PRSS3: variants seen among roughly 807,000 people sequenced by gnomAD.
The protein encoded by PRSS3 is trypsin-3.
A neutral mutation model predicts 20.8 loss-of-function variants in PRSS3; 14 were observed. The ratio of observed to expected loss-of-function variants is 0.67; its 90% CI spans 0.44 to 1.05. The LOEUF (loss-of-function observed/expected upper bound fraction) is 1.05, where lower values mean the gene tolerates loss of function less well. PRSS3 is among the 50% of genes least tolerant of loss of function. PRSS3 has a pLI of 0.00. For missense variants in PRSS3, 237 were observed against 306.4 expected, an observed-to-expected ratio of 0.77 and a Z score of 1.69; for synonymous variants, 91 against 117.6, an observed-to-expected ratio of 0.77 and a Z score of 1.46.
intron 1 of PRSS3, among the ~76,000 whole-genome samples, chr9:33,758,477 C>T (rs1161833297): frequency 6.6e-6 from 1 of 152,146 alleles, no homozygotes; most frequent in Non-Finnish European, 1.5e-5. Flanking sequence ...ATCTAAACTC[C>T]CAGGGACCTG....
At chr9:33,776,292 T>G (rs1023014012) in intron 1 of PRSS3, among the ~76,000 whole-genome samples, 2 of 151,874 alleles carry the variant, frequency 1.3e-5, no homozygotes, top group African/African-American at 4.8e-5. Context: ...CAGACACACA[T>G]AGGATGATGT....
At chr9:33,783,551 T>C (rs1448420398) in intron 1 of PRSS3, among the ~76,000 whole-genome samples, 1 of 152,246 alleles carries the variant, frequency 6.6e-6, no homozygotes, top group African/African-American at 2.4e-5. Context: ...GCATGTTCAC[T>C]GTATAAAACT....
At chr9:33,798,233 T>A (rs1301877764) in intron 3 of PRSS3, 151 bp downstream of exon 3, 1 of 1,470,018 alleles carries the variant, frequency 6.8e-7, no homozygotes, top group African/African-American at 1.4e-5. Flanking sequence ...ACCAGAGAGA[T>A]GCAAAGTCTC....
At chr9:33,761,331 C>T (rs1278420360) in intron 1 of PRSS3, among the ~76,000 whole-genome samples, 1 of 152,180 alleles carries the variant, frequency 6.6e-6, no homozygotes, top group Non-Finnish European at 1.5e-5. Flanking sequence ...CTGTACAGCA[C>T]GTTACTGTAC....
chr9:33,780,973 C>T (rs1382211958), intron 1 of PRSS3, among the ~76,000 whole-genome samples: 5 of 152,180 alleles, frequency 3.3e-5, no homozygotes, highest in Admixed American at 2.0e-4. Context: ...TTAGACAGAT[C>T]ATTGAGGCAG....
chr9:33,786,299 G>T, intron 1 of PRSS3: 1 of 570,576 alleles, frequency 1.8e-6, no homozygotes, highest in Middle Eastern at 3.0e-4. Flanking sequence ...GTTAATGCTG[G>T]GTAGAGAGGT....
At chr9:33,797,045 C>T (rs1824993406) in intron 2 of PRSS3, among the ~76,000 whole-genome samples, 1 of 152,160 alleles carries the variant, frequency 6.6e-6, no homozygotes, top group Admixed American at 6.5e-5. Flanking sequence ...CAGGCAAGTA[C>T]CTTTTGCTGG....
chr9:33,777,299 C>A (rs1327387436), intron 1 of PRSS3, among the ~76,000 whole-genome samples: 2 of 151,904 alleles, frequency 1.3e-5, no homozygotes, highest in Non-Finnish European at 2.9e-5. Context: ...CAATGGAATT[C>A]TCTTAGGTAA....
At chr9:33,754,610 A>G (rs1425774579) in intron 1 of PRSS3, among the ~76,000 whole-genome samples, 2 of 151,598 alleles carry the variant, frequency 1.3e-5, no homozygotes, top group Non-Finnish European at 2.9e-5. Context: ...CGGGTGGATC[A>G]CCTGAGGTCA....
At chr9:33,780,660 T>C (rs977867777) in intron 1 of PRSS3, among the ~76,000 whole-genome samples, 2 of 152,038 alleles carry the variant, frequency 1.3e-5, no homozygotes, top group African/African-American at 4.8e-5. Context: ...AAGAGACCCA[T>C]CTCACATGTA....
intron 1 of PRSS3, among the ~76,000 whole-genome samples, chr9:33,782,852 A>G (rs1167020897): frequency 6.6e-6 from 1 of 152,232 alleles, no homozygotes; most frequent in East Asian, 1.9e-4. Context: ...ATGAGCCAGC[A>G]ATTATACTCC....
At chr9:33,775,233 T>G (rs997754825) in intron 1 of PRSS3, among the ~76,000 whole-genome samples, 19 of 152,300 alleles carry the variant, frequency 1.2e-4, no homozygotes, top group Non-Finnish European at 1.9e-4. Context: ...TTGTGGCTTT[T>G]TCTGCCTGTG....
chr9:33,772,499 A>G (rs959382322), intron 1 of PRSS3, among the ~76,000 whole-genome samples: 7 of 152,234 alleles, frequency 4.6e-5, no homozygotes, highest in African/African-American at 1.7e-4. Flanking sequence ...GTACTGTGAC[A>G]GAGCCTGAGT....
chr9:33,795,527 G>A (rs1824866808), upstream of PRSS3: 1 of 1,612,144 alleles, frequency 6.2e-7, no homozygotes, highest in Non-Finnish European at 8.5e-7. Flanking sequence ...TTCTTGGAAG[G>A]GTATAAGGAC....
intron 1 of PRSS3, among the ~76,000 whole-genome samples, chr9:33,771,328 T>A (rs1415593415): frequency 2.6e-5 from 4 of 151,414 alleles, no homozygotes; most frequent in South Asian, 2.1e-4. Context: ...TTTTTTTTTT[T>A]ATGTTTTGAG....
intron 1 of PRSS3, among the ~76,000 whole-genome samples, chr9:33,758,191 T>C (rs1009677930): frequency 2.0e-5 from 3 of 152,210 alleles, no homozygotes; most frequent in African/African-American, 4.8e-5. Flanking sequence ...CTCCCCTACA[T>C]TGATCTACAA....
chr9:33,791,554 A>T (rs1194292548), upstream of PRSS3, among the ~76,000 whole-genome samples: 2 of 152,220 alleles, frequency 1.3e-5, no homozygotes, highest in African/African-American at 4.8e-5. Context: ...CCATATATTA[A>T]ACTCTGAGTA....
At chr9:33,794,656 C>T, upstream of PRSS3, 1 of 1,422,820 alleles carries the variant, frequency 7.0e-7, no homozygotes, top group African/African-American at 1.4e-5. Flanking sequence ...TACCATGGTC[C>T]AAACTCTGAC....
chr9:33,774,803 T>A (rs1182286556), intron 1 of PRSS3, among the ~76,000 whole-genome samples: 1 of 151,656 alleles, frequency 6.6e-6, no homozygotes, highest in Non-Finnish European at 1.5e-5. Flanking sequence ...CTGACCAACA[T>A]GGTGAAACCC....
Sources: gnomAD v4.1 joint callset for allele counts (sites outside exome capture counted in the v4.1 genomes callset) on GRCh38, gnomAD v4.1.1 for gene constraint, MANE v1.5 for transcripts, NCBI Gene and HGNC (gene_info 2026-07-23, HGNC 2026-07-21) for gene names.